Variants in KANSL1 observed in about 807,000 individuals in gnomAD.
KANSL1 encodes KAT8 regulatory NSL complex subunit 1, also known as MLL1/MLL complex subunit KANSL1.
KANSL1 carries 22 observed loss-of-function variants against 103.6 expected under a neutral mutation model. The ratio of observed to expected loss-of-function variants is 0.21; its 90% CI spans 0.15 to 0.30. The LOEUF (loss-of-function observed/expected upper bound fraction) is 0.30, where lower values mean the gene tolerates loss of function less well. Among genes scored for constraint, KANSL1 ranks in the 10% least tolerant of loss-of-function variants. The probability of loss-of-function intolerance (pLI) is 1.00; values close to 1 mark genes in which losing one functional copy is unlikely to be tolerated. For missense variants in KANSL1, 1,337 were observed against 1,399.8 expected, an observed-to-expected ratio of 0.96 and a Z score of 0.72; for synonymous variants, 600 against 527.6, an observed-to-expected ratio of 1.14 and a Z score of -1.88.
intron 2 of KANSL1, among the ~76,000 whole-genome samples, chr17:46,144,068 C>G (rs1274318202): frequency 6.6e-6 from 1 of 152,114 alleles, no homozygotes; most frequent in Admixed American, 6.5e-5. Context: ...TTGTTTTTTA[C>G]AAGTTTTTAT....
chr17:46,084,973 T>A (rs2079111730), intron 3 of KANSL1, among the ~76,000 whole-genome samples: 1 of 152,202 alleles, frequency 6.6e-6, no homozygotes, highest in Non-Finnish European at 1.5e-5. Flanking sequence ...TATTCCCTAC[T>A]TAAGGGCCCA....
intron 2 of KANSL1, among the ~76,000 whole-genome samples, chr17:46,124,997 AGG>A (rs1342083517): frequency 3.3e-4 from 40 of 119,740 alleles, no homozygotes; most frequent in Non-Finnish European, 6.3e-4. Flanking sequence ...AAGAAAGGGA[AGG>A]AAAGAAAGGG....
At chr17:46,144,853 T>C (rs112984127) in intron 2 of KANSL1, among the ~76,000 whole-genome samples, 4,478 of 152,204 alleles carry the variant, frequency 0.029, 183 homozygotes, top group African/African-American at 0.09. Flanking sequence ...ACTACACCTT[T>C]TCCACACGAA....
At chr17:46,179,447 C>G (rs1052926040) in intron 1 of KANSL1, among the ~76,000 whole-genome samples, 4 of 152,194 alleles carry the variant, frequency 2.6e-5, no homozygotes, top group Admixed American at 1.3e-4. Context: ...AGGTGGCCAA[C>G]AAGTATTACA....
chr17:46,174,204 T>G (rs903231647), intron 1 of KANSL1, among the ~76,000 whole-genome samples: 1 of 152,108 alleles, frequency 6.6e-6, no homozygotes, highest in African/African-American at 2.4e-5. Context: ...GTGTGTGTGT[T>G]TAACAGAGTC....
intron 1 of KANSL1, among the ~76,000 whole-genome samples, chr17:46,201,681 G>A (rs1018455713): frequency 2.9e-4 from 44 of 151,994 alleles, no homozygotes; most frequent in African/African-American, 1.1e-3. Flanking sequence ...AAACCAGCCT[G>A]GGCAACATAG....
rs1439597704 is a variant in KANSL1, at chr17:46,171,405, T to C, written c.739A>G (p.Arg247Gly). 2 of 1,614,128 alleles carry C rather than the reference T, an allele frequency of 1.2e-6. No homozygotes were observed. Among genetic ancestry groups the C allele is most frequent in the Admixed American group, 1.7e-5 (1 of 60,022 alleles). Residue 247 changes from arginine (R) to glycine (G), a missense_variant, in exon 2 of 15, where the codon AGA (arginine) becomes GGA (glycine). Around this residue, in one of 2 missense-constraint regions of KANSL1, gnomAD observed 557 missense variants for 476.4 expected, o/e 1.17. Coordinates refer to ENST00000432791, the MANE Select transcript of KANSL1 (RefSeq NM_015443.4). ...CTGGAGTCTGTACCAGGTGATAATC[T>C]ACTGCTTCCTTGAAGTGCCGGCTGT... The part of the protein sequence containing the change: ...MEQPALQGSS[R>G]LSPGTDSSSN...
intron 2 of KANSL1, among the ~76,000 whole-genome samples, chr17:46,105,878 CACACACACACACACAGAGCAAGGCCTTG>C (rs1408145320): frequency 5.4e-5 from 5 of 93,362 alleles, no homozygotes; most frequent in Non-Finnish European, 1.0e-4. Context: ...CACACACACA[CACACACACACACACAGAGCAAGGCCTTG>C]ACACACACAC....
intron 1 of KANSL1, among the ~76,000 whole-genome samples, chr17:46,186,876 C>T (rs1449360128): frequency 2.6e-5 from 4 of 152,020 alleles, no homozygotes; most frequent in African/African-American, 4.8e-5. Flanking sequence ...TACAGGCATG[C>T]GCCACCATGT....
intron 2 of KANSL1, among the ~76,000 whole-genome samples, chr17:46,165,078 G>C (rs1177871243): frequency 1.3e-5 from 2 of 152,186 alleles, no homozygotes; most frequent in African/African-American, 4.8e-5. Context: ...CTGCACTCCA[G>C]CCTGAGTGAC....
At chr17:46,169,212 A>C (rs916510890) in intron 2 of KANSL1, among the ~76,000 whole-genome samples, 1 of 152,254 alleles carries the variant, frequency 6.6e-6, no homozygotes, top group Non-Finnish European at 1.5e-5. Context: ...CATGAATATT[A>C]GCAAGCTGAA....
intron 4 of KANSL1, among the ~76,000 whole-genome samples, chr17:46,078,291 C>T (rs1056383388): frequency 3.3e-5 from 5 of 152,202 alleles, no homozygotes; most frequent in South Asian, 2.1e-4. Context: ...AGTTGGAATT[C>T]GAACTCCAAA....
intron 1 of KANSL1, among the ~76,000 whole-genome samples, chr17:46,187,917 C>T (rs555222186): frequency 6.6e-6 from 1 of 152,236 alleles, no homozygotes; most frequent in Non-Finnish European, 1.5e-5. Context: ...TTTCCGCACT[C>T]TATTTTAGCT....
intron 6 of KANSL1, among the ~76,000 whole-genome samples, chr17:46,062,087 G>A (rs113042517): frequency 0.42 from 39,372 of 93,216 alleles, 7,144 homozygotes; most frequent in South Asian, 0.63. Context: ...TCAAGACTCC[G>A]ACTCAAAAAA....
intron 2 of KANSL1, among the ~76,000 whole-genome samples, chr17:46,101,366 A>C (rs1429469145): frequency 6.6e-6 from 1 of 152,226 alleles, no homozygotes; most frequent in Non-Finnish European, 1.5e-5. Flanking sequence ...TGACCTCTGC[A>C]AATAAGAACA....
chr17:46,186,670 G>C (rs1283311527), intron 1 of KANSL1, among the ~76,000 whole-genome samples: 5 of 152,216 alleles, frequency 3.3e-5, no homozygotes, highest in African/African-American at 1.2e-4. Flanking sequence ...AGTTCTCCAT[G>C]GTAACATATG....
chr17:46,208,350 G>A (rs936795565), intron 1 of KANSL1, among the ~76,000 whole-genome samples: 1 of 152,164 alleles, frequency 6.6e-6, no homozygotes, highest in Non-Finnish European at 1.5e-5. Flanking sequence ...AGTGGCACAT[G>A]CCTGTAATCC....
At chr17:46,072,111 A>T (rs2078601103) in intron 4 of KANSL1, among the ~76,000 whole-genome samples, 1 of 151,750 alleles carries the variant, frequency 6.6e-6, no homozygotes, top group Non-Finnish European at 1.5e-5. Flanking sequence ...GGCCAGATCA[A>T]GTAAGCGTGA....
chr17:46,101,969 T>C (rs2042342032), intron 2 of KANSL1, among the ~76,000 whole-genome samples: 1 of 152,140 alleles, frequency 6.6e-6, no homozygotes, highest in African/African-American at 2.4e-5. Context: ...ATCTAAAAGT[T>C]CCACTCTAAA....
Sources: allele counts gnomAD v4.1 joint callset (sites outside exome capture counted in the v4.1 genomes callset), GRCh38; gene constraint gnomAD v4.1.1; regional missense constraint gnomAD v4.1.1; transcripts MANE v1.5; gene names NCBI Gene and HGNC (gene_info 2026-07-23, HGNC 2026-07-21).